YIPF5: variants seen among roughly 807,000 people sequenced by gnomAD.
YIPF5 encodes the protein protein YIPF5.
YIPF5 carries 8 observed loss-of-function variants against 30.4 expected under a neutral mutation model. The observed-to-expected ratio is 0.26, with a 90% confidence interval of 0.15 to 0.47. The LOEUF (loss-of-function observed/expected upper bound fraction) is 0.47. YIPF5 is among the 20% of genes least tolerant of loss of function. YIPF5 has a pLI of 0.99. For missense variants in YIPF5, 282 were observed against 301.8 expected, an observed-to-expected ratio of 0.93 and a Z score of 0.49; for synonymous variants, 104 against 107.9, an observed-to-expected ratio of 0.96 and a Z score of 0.23.
intron 2 of YIPF5, among the ~76,000 whole-genome samples, chr5:144,166,718 G>A (rs6580313): frequency 0.45 from 68,712 of 151,976 alleles, 16,423 homozygotes; most frequent in African/African-American, 0.61. Context: ...TTTCGTAGAG[G>A]CAGTAATTGT....
At chr5:144,167,905 C>T (rs949484866) in intron 2 of YIPF5, among the ~76,000 whole-genome samples, 16 of 148,344 alleles carry the variant, frequency 1.1e-4, no homozygotes, top group Admixed American at 1.4e-4. Context: ...ATTTGGTTAA[C>T]GGAGATGGAC....
At chr5:144,170,404 G>A (rs796879126) in intron 1 of YIPF5, 131 bp downstream of exon 1, 24 of 188,118 alleles carry the variant, frequency 1.3e-4, no homozygotes, top group African/African-American at 4.3e-4. Flanking sequence ...GACCGCGTCA[G>A]GGCAAGGGCT....
At chr5:144,163,007 A>C (rs541486414) in intron 4 of YIPF5, among the ~76,000 whole-genome samples, 7 of 152,298 alleles carry the variant, frequency 4.6e-5, no homozygotes, top group African/African-American at 1.7e-4. Context: ...TTTCCAAATT[A>C]TTGGCTGATT....
chr5:144,167,864 G>A (rs1428120915), intron 2 of YIPF5, among the ~76,000 whole-genome samples: 1 of 152,182 alleles, frequency 6.6e-6, no homozygotes, highest in East Asian at 1.9e-4. Flanking sequence ...GCGGATCTTT[G>A]TTACTAAATT....
At position 144,159,477 on chromosome 5, in the gene YIPF5, G is replaced by GTT; in HGVS notation, c.*919_*920insAA. On this transcript the variant is annotated 3_prime_UTR_variant, in exon 6 of 6. Transcript: ENST00000274496. ...TGAGTTAACATTAATATGTAAGTAA[G>GTT]TGTTCGCATTTCATGTCTACAATAA... is the stretch of plus-strand genomic sequence containing the variant. 7 of 984,428 alleles carry GTT rather than the reference G, an allele frequency of 7.1e-6. No individual in the cohort carries two copies. The highest frequency in any genetic ancestry group is 8.4e-6 in the Non-Finnish European group (7 of 829,666). 61.0% of individuals were successfully genotyped at this position (984,428 alleles called of 1,614,324 possible).
In YIPF5 at chr5:144,160,687, C is replaced by G. The variant is rs1337300400; in HGVS notation, c.612-128G>C. On this transcript the variant is annotated intron_variant, in intron 5 of 5. Coordinates refer to ENST00000274496, the MANE Select transcript of YIPF5 (RefSeq NM_030799.9). The stretch of plus-strand genomic sequence containing the variant: ...TTTTAAATCTGCAAGTAGACATATG[C>G]AAAAATAATCAGGATTTTTTTTTTC... 12 of 734,754 alleles carry G rather than the reference C, an allele frequency of 1.6e-5. No homozygotes were observed. The African/African-American group carries it at 2.2e-4, about 13-fold the overall frequency. The allele number at this position is 734,754 out of a possible 1,614,324, so 45.5% of individuals were successfully genotyped here.
Position 144,162,311 on chromosome 5 carries a change from G to A in YIPF5, c.518C>T (p.Thr173Ile). The A allele has an allele frequency of 6.2e-7, 1 of 1,614,056 alleles. No homozygotes were observed. The highest frequency in any genetic ancestry group is 8.5e-7 in the Non-Finnish European group (1 of 1,179,974). ...MFCLLNLMSMTGVSFGCVASV... is the reference protein window; with the variant it reads ...MFCLLNLMSMIGVSFGCVASV... ...TGCCACACAACCAAATGAAACACCT[G>A]TCATACTCATTAAGTTTAATAAACA... The change falls in exon 5 of 6, where the codon ACA (threonine) becomes ATA (isoleucine). Residue 173 changes from threonine to isoleucine, a missense_variant. Thr to Ile is a moderately conservative substitution (Grantham distance 89). Transcript: ENST00000274496.
intron 2 of YIPF5, 58 bp from the exon 3 acceptor site, chr5:144,165,662 T>A: frequency 6.7e-7 from 1 of 1,500,624 alleles, no homozygotes; most frequent in Non-Finnish European, 9.0e-7. Context: ...ACAGTTAATA[T>A]CCCTTAAATT....
chr5:144,162,243 T>C lies in YIPF5; in HGVS notation c.586A>G (p.Ser196Gly). ...TGCAAAGAAAATATCACTGCAAAGCTGGAAAGTAGGATCATGGGCAGAAGA... is the reference window on the plus strand; with the variant it reads ...TGCAAAGAAAATATCACTGCAAAGCCGGAAAGTAGGATCATGGGCAGAAGA... ...YCLLPMILLS[S>G]FAVIFSLQGM... is the part of the protein sequence containing the mutation. Residue 196 changes from serine to glycine, a missense_variant, in exon 5 of 6, where the codon AGC becomes GGC. Physicochemically the swap from Ser to Gly is moderately conservative, Grantham distance 56. Transcript: ENST00000274496. The C allele has an allele frequency of 6.2e-7, 1 of 1,613,920 alleles. No individual in the cohort carries two copies. Among genetic ancestry groups the C allele is most frequent in the South Asian group, 1.1e-5 (1 of 91,060 alleles).
Position 144,159,313 on chromosome 5 carries a change from C to A in YIPF5, c.*1084G>T. The A allele has an allele frequency of 2.1e-6, 2 of 973,770 alleles. No individual in the cohort carries two copies. Among genetic ancestry groups the A allele is most frequent in the Non-Finnish European group, 2.4e-6 (2 of 819,366 alleles). The allele number at this position is 973,770 out of a possible 1,614,324, so 60.3% of individuals were successfully genotyped here. A position where few individuals can be genotyped will look rare whatever the true frequency, so the allele number is the denominator to read the frequency against. On this transcript the variant is annotated 3_prime_UTR_variant, in exon 6 of 6. Transcript: ENST00000274496. ...TTAATAAGCATTCAAATGTACTTTACATTGATAATTGCAATATTGAATTTT... is the reference window on the plus strand; with the variant it reads ...TTAATAAGCATTCAAATGTACTTTAAATTGATAATTGCAATATTGAATTTT...
rs765244941 is a variant in YIPF5, at chr5:144,165,574, T to C, written c.141A>G (p.Gln47=). 5 of 1,614,046 alleles carry C rather than the reference T, an allele frequency of 3.1e-6. No homozygotes were observed. The African/African-American group carries it at 5.3e-5, about 17-fold the overall frequency. The change falls in exon 3 of 6, where the codon CAA becomes CAG. Residue 47 remains glutamine (Q), a synonymous_variant. Coordinates refer to ENST00000274496, the MANE Select transcript of YIPF5 (RefSeq NM_030799.9). The part of the protein sequence containing the change: ...KQYAGYDYSQ[Q]GRFVPPDMMQ... ...TCATGTCTGGAGGGACAAATCTGCC[T>C]TGCTGCGAATAGTCATAGCCAGCAT...
rs1232036858 is a variant in YIPF5, at chr5:144,161,109, C to T, written c.612-550G>A. 2.6e-5 allele frequency among the ~76,000 whole-genome samples: 4 copies of T among 152,136 alleles called. No individual in the cohort carries two copies. In the East Asian group the frequency reaches 5.8e-4, roughly 22 times the overall value. ...AAATATGAAATATTTCTATTCAAAG[C>T]AGAAATAGTGTAAAGCATCATCTTG... On this transcript the variant is annotated intron_variant, in intron 5 of 5. Coordinates refer to ENST00000274496, the MANE Select transcript of YIPF5 (RefSeq NM_030799.9).
intron 2 of YIPF5, among the ~76,000 whole-genome samples, chr5:144,167,502 A>C (rs374461248): frequency 6.6e-6 from 1 of 152,196 alleles, no homozygotes; most frequent in South Asian, 2.1e-4. Context: ...GTCAAAGAAG[A>C]AAAAAAATAA....
rs545006443 is a variant in YIPF5 at position 144,159,734 on chromosome 5, T to TC, written c.*662dup. Reference sequence around the variant, plus strand: ...TTTTTTTTTTTTTTGAGACAGAGTCTCACCCTGTCACCCAGGCTGGATGGA... The same window carrying TC: ...TTTTTTTTTTTTTTGAGACAGAGTCTCCACCCTGTCACCCAGGCTGGATGGA... On this transcript the variant is annotated 3_prime_UTR_variant, in exon 6 of 6. Coordinates refer to ENST00000274496, the MANE Select transcript of YIPF5 (RefSeq NM_030799.9). 137 of 929,766 alleles carry TC rather than the reference T, an allele frequency of 1.5e-4. 2 individuals carry two copies. In the East Asian group the frequency reaches 0.014, roughly 98 times the overall value. The allele number at this position is 929,766 out of a possible 1,614,324, so 57.6% of individuals were successfully genotyped here. A position where few individuals can be genotyped will look rare whatever the true frequency, so the allele number is the denominator to read the frequency against.
rs1751972357 is a variant in YIPF5 at position 144,159,692 on chromosome 5, A to T, written c.*705T>A. The T allele has an allele frequency of 3.1e-6, 3 of 979,244 alleles. No individual in the cohort carries two copies. Among genetic ancestry groups the T allele is most frequent in the Non-Finnish European group, 3.6e-6 (3 of 827,882 alleles). 60.7% of individuals were successfully genotyped at this position (979,244 alleles called of 1,614,324 possible). A position where few individuals can be genotyped will look rare whatever the true frequency, so the allele number is the denominator to read the frequency against. On this transcript the variant is annotated 3_prime_UTR_variant, in exon 6 of 6. Transcript: ENST00000274496. The stretch of plus-strand genomic sequence containing the variant: ...ATCCTTGGAAAAATATTTTTGCAGT[A>T]AGTCTTGTGTCTCCTTTTTTTTTTT...
In YIPF5 at chr5:144,160,230, A is replaced by G. The variant is rs1312954663; in HGVS notation, c.*167T>C. 3 of 1,435,288 alleles carry G rather than the reference A, an allele frequency of 2.1e-6. No individual in the cohort carries two copies. The African/African-American group carries it at 4.3e-5, about 20-fold the overall frequency. The allele number at this position is 1,435,288 out of a possible 1,614,324, so 88.9% of individuals were successfully genotyped here. On this transcript the variant is annotated 3_prime_UTR_variant, in exon 6 of 6. Transcript: ENST00000274496. ...GCAGGTAAATCCAATATAGTATGCAAAAGTTCTATAAAAATGAACAAGAGA... is the reference window on the plus strand; with the variant it reads ...GCAGGTAAATCCAATATAGTATGCAGAAGTTCTATAAAAATGAACAAGAGA...
intron 2 of YIPF5, 131 bp downstream of exon 2, chr5:144,169,715 A>G (rs1241344463): frequency 1.4e-5 from 10 of 739,950 alleles, no homozygotes; most frequent in Non-Finnish European, 1.5e-5. Context: ...TAGAGGAAGA[A>G]GATTATGCAT....
chr5:144,163,931 C>G (rs1752124178), intron 4 of YIPF5, 180 bp downstream of exon 4: 1 of 540,126 alleles, frequency 1.9e-6, no homozygotes, highest in Non-Finnish European at 2.9e-6. Flanking sequence ...TTAAAACATG[C>G]TACACTTACT....
chr5:144,167,736 C>A (rs187076178), intron 2 of YIPF5, among the ~76,000 whole-genome samples: 29 of 152,214 alleles, frequency 1.9e-4, no homozygotes, highest in African/African-American at 7.0e-4. Context: ...AAGCTGACTT[C>A]ATTATGGCAA....
Sources: gnomAD v4.1 joint callset for allele counts (sites outside exome capture counted in the v4.1 genomes callset) on GRCh38, gnomAD v4.1.1 for gene constraint, MANE v1.5 for transcripts, NCBI Gene and HGNC (gene_info 2026-07-23, HGNC 2026-07-21) for gene names.